Variants in OTULIN observed in about 807,000 individuals in gnomAD.
The protein encoded by OTULIN is ubiquitin thioesterase otulin.
A neutral mutation model predicts 39.6 loss-of-function variants in OTULIN; 15 were observed. The observed-to-expected ratio is 0.38, with a 90% CI of 0.25 to 0.58. OTULIN has a LOEUF of 0.58. OTULIN is among the 20% of genes least tolerant of loss of function. The pLI is 0.66. For synonymous variants in OTULIN, 156 were observed against 170.3 expected, an observed-to-expected ratio of 0.92 and a Z score of 0.65; for missense variants, 319 against 445.9, an observed-to-expected ratio of 0.72 and a Z score of 2.56.
At chr5:14,678,653 CTTT>C (rs562824991) in intron 2 of OTULIN, 25 bp from the exon 3 acceptor site, 24 of 1,120,050 alleles carry the variant, frequency 2.1e-5, no homozygotes, top group South Asian at 8.2e-5. Context: ...TTATTATTTG[CTTT>C]TTTTTTTTTT....
intron 2 of OTULIN, among the ~76,000 whole-genome samples, chr5:14,678,077 A>G (rs916663244): frequency 6.6e-6 from 1 of 152,126 alleles, no homozygotes; most frequent in African/African-American, 2.4e-5. Context: ...TGGTACAGAA[A>G]AATATTTCAG....
At chr5:14,711,420 T>G in the OTULIN span, 1 of 870,836 alleles carries the variant, frequency 1.1e-6, no homozygotes, top group Non-Finnish European at 1.9e-6. Flanking sequence ...CACTGTAGGC[T>G]TAAACCTTCT....
chr5:14,714,215 T>TGGG, the OTULIN span, among the ~76,000 whole-genome samples: 1 of 152,302 alleles, frequency 6.6e-6, no homozygotes, highest in African/African-American at 2.4e-5. Context: ...CTTCCCTTTC[T>TGGG]CCCTCCTAAT....
rs2126325479 is a variant in OTULIN at position 14,686,724 on chromosome 5, C to T, written c.469-797C>T. On this transcript the variant is annotated intron_variant, in intron 4 of 6. Coordinates refer to ENST00000284274, the MANE Select transcript of OTULIN (RefSeq NM_138348.6). ...ACCCAAGACTGTTGGAAGAGTCTTA[C>T]TTCCCATGCTGTCATCAGTCAGGCT... Among the ~76,000 whole-genome samples, 3 of 152,324 alleles carry T rather than the reference C, an allele frequency of 2.0e-5. No homozygotes were observed. In the Middle Eastern group the frequency reaches 0.01, roughly 518 times the overall value.
the OTULIN span, chr5:14,711,333 G>C: frequency 1.9e-6 from 3 of 1,600,080 alleles, no homozygotes; most frequent in Admixed American, 5.0e-5. Flanking sequence ...AGACTCATCA[G>C]TGTGGGGCTG....
At position 14,697,615 on chromosome 5, in the gene OTULIN, AAT is replaced by A. The variant is rs1736704140; in HGVS notation, c.*4569_*4570del. On this transcript the variant is annotated 3_prime_UTR_variant, in exon 7 of 7. Transcript: ENST00000284274. Reference sequence around the variant, plus strand: ...ATTAATTGTATTGAAATGTTATATCAATACATCATTTATGATGTGTGTGTGGT... The same window carrying A: ...ATTAATTGTATTGAAATGTTATATCAACATCATTTATGATGTGTGTGTGGT... 6.6e-6 allele frequency: 1 copy of A among 152,202 alleles called. No homozygotes were observed. Among genetic ancestry groups the A allele is most frequent in the South Asian group, 2.1e-4 (1 of 4,832 alleles). The allele number at this position is 152,202 out of a possible 1,614,324, so 9.4% of individuals were successfully genotyped here. A position where few individuals can be genotyped will look rare whatever the true frequency, so the allele number is the denominator to read the frequency against.
chr5:14,683,954 C>G (rs1191545098), intron 4 of OTULIN, among the ~76,000 whole-genome samples: 3 of 152,164 alleles, frequency 2.0e-5, no homozygotes, highest in South Asian at 2.1e-4. Flanking sequence ...CATTCAAACT[C>G]TAATCACTGT....
chr5:14,674,616 G>A (rs1283898437), intron 2 of OTULIN, among the ~76,000 whole-genome samples: 2 of 152,112 alleles, frequency 1.3e-5, no homozygotes, highest in Admixed American at 6.5e-5. Flanking sequence ...TTAATCGGGC[G>A]TGGTGGTGTA....
At chr5:14,687,433 G>A (rs1222508992) in intron 4 of OTULIN, 88 bp from the exon 5 acceptor site, 2 of 1,448,346 alleles carry the variant, frequency 1.4e-6, no homozygotes, top group Non-Finnish European at 1.9e-6. Flanking sequence ...AGGTTTTATA[G>A]ACTTTGTGGT....
downstream of OTULIN, among the ~76,000 whole-genome samples, chr5:14,701,443 C>G (rs917798693): frequency 1.3e-5 from 2 of 152,134 alleles, no homozygotes; most frequent in Non-Finnish European, 1.5e-5. Context: ...ATTTGCCAGC[C>G]AGCCCCAATG....
rs1215155958 is a variant in OTULIN at position 14,692,848 on chromosome 5, T to A, written c.865-6T>A. The A allele has an allele frequency of 6.2e-7, 1 of 1,613,056 alleles. No individual in the cohort carries two copies. The highest frequency in any genetic ancestry group is 1.3e-5 in the African/African-American group (1 of 74,892). On this transcript the variant is annotated splice_region_variant and splice_polypyrimidine_tract_variant and intron_variant, in intron 6 of 6. Transcript: ENST00000284274. ...CCTCAGAATACCCGTTTGCTCTTCT[T>A]CCCAGGTTGAAATGTTCCTTCTTGC...
chr5:14,692,470 T>G (rs40578), intron 6 of OTULIN, among the ~76,000 whole-genome samples: 143,848 of 152,254 alleles, frequency 0.94, 68,086 homozygotes, highest in African/African-American at 0.99. Context: ...ATTTGGATTT[T>G]GATTTCCCTA....
chr5:14,669,879 A>C (rs1370192503), intron 1 of OTULIN, among the ~76,000 whole-genome samples: 1 of 152,224 alleles, frequency 6.6e-6, no homozygotes, highest in South Asian at 2.1e-4. Flanking sequence ...GATCAGGGTA[A>C]TTAGCATGTC....
downstream of OTULIN, among the ~76,000 whole-genome samples, chr5:14,702,060 AG>A (rs1736807662): frequency 6.6e-6 from 1 of 152,168 alleles, no homozygotes; most frequent in African/African-American, 2.4e-5. Flanking sequence ...TCCAAGCCCA[AG>A]GTGAGCAGGA....
chr5:14,665,539 T>C (rs990421068), intron 1 of OTULIN, among the ~76,000 whole-genome samples: 1 of 152,106 alleles, frequency 6.6e-6, no homozygotes, highest in Non-Finnish European at 1.5e-5. Flanking sequence ...CTTACTGTAC[T>C]GTGAAGACGA....
rs1162448216 is a variant in OTULIN, at chr5:14,699,564, A to T, written c.*6516A>T. ...TCTCCCTCTACTTGTCTGAATTACG[A>T]TGCTCTGCTCAACTCTGTGGACAGT... On this transcript the variant is annotated 3_prime_UTR_variant, in exon 7 of 7. Transcript: ENST00000284274. 6.6e-6 allele frequency: 1 copy of T among 152,184 alleles called. No homozygotes were observed. Among genetic ancestry groups the T allele is most frequent in the East Asian group, 1.9e-4 (1 of 5,194 alleles). 9.4% of individuals were successfully genotyped at this position (152,184 alleles called of 1,614,324 possible).
At chr5:14,683,238 C>T (rs1426927100) in intron 4 of OTULIN, among the ~76,000 whole-genome samples, 1 of 151,860 alleles carries the variant, frequency 6.6e-6, no homozygotes, top group Non-Finnish European at 1.5e-5. Context: ...CATAAGGAGA[C>T]CCCTTGTATT....
downstream of OTULIN, among the ~76,000 whole-genome samples, chr5:14,704,514 G>A (rs1232219827): frequency 6.6e-6 from 1 of 152,070 alleles, no homozygotes; most frequent in Non-Finnish European, 1.5e-5. Context: ...AAGTTGGAGA[G>A]GGTTCAGAGA....
chr5:14,702,985 C>T (rs183814723), downstream of OTULIN, among the ~76,000 whole-genome samples: 99 of 152,244 alleles, frequency 6.5e-4, 2 homozygotes, highest in South Asian at 1.2e-3. Context: ...ACGGCACCTC[C>T]GCCTTTGTGA....
Sources: gnomAD v4.1 joint callset for allele counts (sites outside exome capture counted in the v4.1 genomes callset) on GRCh38, gnomAD v4.1.1 for gene constraint, MANE v1.5 for transcripts, NCBI Gene and HGNC (gene_info 2026-07-23, HGNC 2026-07-21) for gene names.